Variants in IL36B observed in about 807,000 individuals in gnomAD.
The protein encoded by IL36B is interleukin-36 beta.
Under a neutral mutation model 19.3 loss-of-function variants are expected in IL36B, and 23 were observed. The ratio of observed to expected loss-of-function variants is 1.19; its 90% CI spans 0.86 to 1.69. The LOEUF is 1.69. Among genes scored for constraint, IL36B ranks in the 40% most tolerant of loss-of-function variants. IL36B has a pLI of 0.00. For missense variants in IL36B, 217 were observed against 200.5 expected, an observed-to-expected ratio of 1.08 and a Z score of -0.50; for synonymous variants, 59 against 59.7, an observed-to-expected ratio of 0.99 and a Z score of 0.05.
intron 1 of IL36B, among the ~76,000 whole-genome samples, chr2:113,049,062 TG>T (rs529299894): frequency 9.1e-4 from 139 of 152,338 alleles, no homozygotes; most frequent in African/African-American, 3.2e-3. Flanking sequence ...TGGGTGATGA[TG>T]GTGATGGTGG....
In IL36B at chr2:113,031,071, G is replaced by A; in HGVS notation, c.98C>T (p.Pro33Leu). 6.2e-7 allele frequency: 1 copy of A among 1,613,142 alleles called. No homozygotes were observed. The highest frequency in any genetic ancestry group is 8.5e-7 in the Non-Finnish European group (1 of 1,179,074). ...ACCAGGCTTAATGCTGCGGCTAAGA[G>A]GAGCTGCTATTAAAGAATTTCCACT... Residue 33 changes from proline (P) to leucine (L), a missense_variant, in exon 3 of 6, where the codon CCT (proline) becomes CTT (leucine). By Grantham distance (98) the Pro-to-Leu change is moderately conservative (BLOSUM62 -3). Coordinates refer to ENST00000259213, the MANE Select transcript of IL36B (RefSeq NM_014438.5).
chr2:113,048,549 A>G (rs1685387431), intron 1 of IL36B, among the ~76,000 whole-genome samples: 1 of 152,244 alleles, frequency 6.6e-6, no homozygotes, highest in Admixed American at 6.5e-5. Context: ...AAAGACGTCA[A>G]ATTAATAATT....
intron 1 of IL36B, among the ~76,000 whole-genome samples, chr2:113,041,550 C>T (rs1685257487): frequency 1.4e-5 from 2 of 147,462 alleles, no homozygotes; most frequent in South Asian, 2.2e-4. Context: ...GTTTCTTAGG[C>T]AGATCTCAGA....
Position 113,031,750 on chromosome 2 carries a change from A to C in IL36B, c.-41T>G. ...TTTTGTGAAGAGAACAAGATAGATC[A>C]GATGGTGGTGAGGAGGCTGTTAACA... is the stretch of plus-strand genomic sequence containing the variant. On this transcript the variant is annotated 5_prime_UTR_variant, in exon 2 of 6. Coordinates refer to ENST00000259213, the MANE Select transcript of IL36B (RefSeq NM_014438.5). 2 of 1,556,016 alleles carry C rather than the reference A, an allele frequency of 1.3e-6. No individual in the cohort carries two copies. Among genetic ancestry groups the C allele is most frequent in the Non-Finnish European group, 1.8e-6 (2 of 1,129,340 alleles).
At chr2:113,030,430 C>T (rs963704337) in intron 3 of IL36B, among the ~76,000 whole-genome samples, 6 of 152,066 alleles carry the variant, frequency 3.9e-5, no homozygotes, top group East Asian at 3.9e-4. Context: ...AGCCAGCTCT[C>T]GTGAAGTTTT....
chr2:113,027,106 A>C (rs977065355), intron 4 of IL36B, among the ~76,000 whole-genome samples: 1 of 152,372 alleles, frequency 6.6e-6, no homozygotes, highest in East Asian at 1.9e-4. Flanking sequence ...TAGAGGAAAG[A>C]AAATACTATT....
rs1394767624 is a variant in IL36B at position 113,029,040 on chromosome 2, T to C, written c.160A>G (p.Ser54Gly). The C allele has an allele frequency of 1.9e-6, 3 of 1,613,762 alleles. No individual in the cohort carries two copies. The highest frequency in any genetic ancestry group is 2.5e-6 in the Non-Finnish European group (3 of 1,179,780). ...ACCATATTACCCTTTTCCTTGTCAC[T>C]GAATTCTGTGTCTCTACAGGCTATT... The change falls in exon 4 of 6, where the codon AGT becomes GGT. Residue 54 changes from serine to glycine, a missense_variant. Coordinates refer to ENST00000259213, the MANE Select transcript of IL36B (RefSeq NM_014438.5).
chr2:113,031,961 C>T (rs900933764), intron 1 of IL36B, among the ~76,000 whole-genome samples, 195 bp from the exon 2 acceptor site: 1 of 152,152 alleles, frequency 6.6e-6, no homozygotes, highest in African/African-American at 2.4e-5. Flanking sequence ...GCTCCCATCT[C>T]TGCTGTGGCT....
At chr2:113,042,346 A>G (rs377438059) in intron 1 of IL36B, among the ~76,000 whole-genome samples, 57 of 99,866 alleles carry the variant, frequency 5.7e-4, no homozygotes, top group African/African-American at 2.3e-3. Context: ...TAATTAGCAC[A>G]CAATAAACGG....
chr2:113,046,879 A>G (rs186792059), intron 1 of IL36B, among the ~76,000 whole-genome samples: 112 of 152,302 alleles, frequency 7.4e-4, no homozygotes, highest in African/African-American at 2.5e-3. Flanking sequence ...TTTCCATACT[A>G]TATTCATTAC....
intron 1 of IL36B, among the ~76,000 whole-genome samples, chr2:113,042,433 A>G (rs1397977586): frequency 6.6e-6 from 1 of 152,232 alleles, no homozygotes; most frequent in Non-Finnish European, 1.5e-5. Context: ...AATCATGAAC[A>G]TATTCACCAT....
intron 1 of IL36B, among the ~76,000 whole-genome samples, chr2:113,050,252 A>G (rs191239952): frequency 6.6e-6 from 1 of 152,342 alleles, no homozygotes; most frequent in East Asian, 1.9e-4. Context: ...TGGTACACAC[A>G]CCACACAGCC....
chr2:113,034,842 C>T (rs11891020), intron 1 of IL36B, among the ~76,000 whole-genome samples: 90,225 of 151,966 alleles, frequency 0.59, 27,009 homozygotes, highest in South Asian at 0.72. Context: ...AGCTTTGCCC[C>T]CATCTGGATG....
intron 1 of IL36B, among the ~76,000 whole-genome samples, chr2:113,052,165 G>A (rs955012738): frequency 2.0e-5 from 3 of 151,874 alleles, no homozygotes; most frequent in African/African-American, 7.3e-5. Context: ...TGCCAGGCTG[G>A]TCTTGAACTC....
chr2:113,045,351 T>C (rs1685331910), intron 1 of IL36B, among the ~76,000 whole-genome samples: 2 of 152,202 alleles, frequency 1.3e-5, no homozygotes, highest in African/African-American at 2.4e-5. Flanking sequence ...CTTCTTTTTA[T>C]GTATTTGTAT....
intron 1 of IL36B, among the ~76,000 whole-genome samples, chr2:113,048,589 G>A (rs2105058417): frequency 6.6e-6 from 1 of 152,262 alleles, no homozygotes; most frequent in South Asian, 2.1e-4. Flanking sequence ...ACTAGAAAAA[G>A]GAGTAAAACA....
At chr2:113,028,114 TC>T in intron 4 of IL36B, 1 of 1,613,738 alleles carries the variant, frequency 6.2e-7, no homozygotes. Flanking sequence ...GATATTTTTT[TC>T]CTGGGGGTGG....
chr2:113,052,834 G>C lies in IL36B; in HGVS notation c.-75C>G, dbSNP rs1449206230. The stretch of plus-strand genomic sequence containing the variant: ...TTACATACCTAGGAAAAGTGAAGGA[G>C]AGGTGAGAAAGACAGAGTGGGGAGG... On this transcript the variant is annotated 5_prime_UTR_variant, in exon 1 of 6. Coordinates refer to ENST00000259213, the MANE Select transcript of IL36B (RefSeq NM_014438.5). 6.6e-6 allele frequency: 1 copy of C among 152,272 alleles called. No individual in the cohort carries two copies. Among genetic ancestry groups the C allele is most frequent in the East Asian group, 1.9e-4 (1 of 5,202 alleles). 9.4% of individuals were successfully genotyped at this position (152,272 alleles called of 1,614,324 possible).
chr2:113,031,729 G>A lies in IL36B; in HGVS notation c.-20C>T, dbSNP rs372220738. ...GTTCATGATGTCTTCAGAGCCTTTT[G>A]TGAAGAGAACAAGATAGATCAGATG... On this transcript the variant is annotated 5_prime_UTR_variant, in exon 2 of 6. Transcript: ENST00000259213. 4.4e-6 allele frequency: 7 copies of A among 1,602,878 alleles called. No individual in the cohort carries two copies. Among genetic ancestry groups the A allele is most frequent in the African/African-American group, 1.3e-5 (1 of 74,678 alleles).
Sources: allele counts gnomAD v4.1 joint callset (sites outside exome capture counted in the v4.1 genomes callset), GRCh38; gene constraint gnomAD v4.1.1; transcripts MANE v1.5; gene names NCBI Gene and HGNC (gene_info 2026-07-23, HGNC 2026-07-21).